Variants in TTC28 observed in about 807,000 individuals in gnomAD.
TTC28 encodes the protein tetratricopeptide repeat domain 28.
In TTC28, 61 loss-of-function variants were observed where a neutral mutation model predicts 198.0. That is an observed-to-expected ratio of 0.31 (90% confidence interval 0.25 to 0.38). The LOEUF (loss-of-function observed/expected upper bound fraction) is 0.38. Ranked by LOEUF, TTC28 falls within the 10% of genes least tolerant of loss-of-function variation. TTC28 has a pLI of 1.00. For synonymous variants in TTC28, 1,171 were observed against 1,297.8 expected, an observed-to-expected ratio of 0.90 and a Z score of 2.10; for missense variants, 2,678 against 3,164.0, an observed-to-expected ratio of 0.85 and a Z score of 3.69.
chr22:28,501,383 G>A (rs1001332873), intron 2 of TTC28, among the ~76,000 whole-genome samples: 1 of 152,084 alleles, frequency 6.6e-6, no homozygotes, highest in Admixed American at 6.6e-5. Flanking sequence ...AGTAGAAAAT[G>A]GTATGACGTG....
At position 28,386,304 on chromosome 22, in the gene TTC28, A is replaced by AAAG. The variant is rs1315988699; in HGVS notation, c.382-79664_382-79662dup. 2.0e-3 allele frequency among the ~76,000 whole-genome samples: 248 copies of AAAG among 123,992 alleles called. 1 individual carries two copies. The highest frequency in any genetic ancestry group is 6.5e-3 in the African/African-American group (222 of 33,918). The allele number at this position is 123,992 out of a possible 152,430, so 81.3% of individuals were successfully genotyped here. On this transcript the variant is annotated intron_variant, in intron 2 of 22. Coordinates refer to ENST00000397906, the MANE Select transcript of TTC28 (RefSeq NM_001145418.2). ...AAAAAAAAAAAAAAAAAAAAAAAAA[A>AAAG]AAGAAGGCTTCACCAGTTTTAGCAG...
At chr22:28,660,218 T>C (rs1301386163) in intron 1 of TTC28, among the ~76,000 whole-genome samples, 1 of 152,238 alleles carries the variant, frequency 6.6e-6, no homozygotes, top group Non-Finnish European at 1.5e-5. Context: ...ACATTTTCTC[T>C]TTAACTTTTA....
At chr22:28,357,315 ATTTTTTT>A (rs11415868) in intron 2 of TTC28, among the ~76,000 whole-genome samples, 4 of 113,486 alleles carry the variant, frequency 3.5e-5, no homozygotes, top group African/African-American at 1.4e-4. Context: ...CAAATTTCTT[ATTTTTTT>A]TTTTTTTTTT....
chr22:28,235,573 G>A (rs1455877851), intron 5 of TTC28, among the ~76,000 whole-genome samples: 2 of 152,150 alleles, frequency 1.3e-5, no homozygotes, highest in Non-Finnish European at 2.9e-5. Flanking sequence ...AGAACAACAT[G>A]GTAGTAGTGT....
intron 5 of TTC28, among the ~76,000 whole-genome samples, chr22:28,229,621 T>C (rs914125849): frequency 7.2e-5 from 11 of 152,258 alleles, no homozygotes; most frequent in Middle Eastern, 6.8e-3. Context: ...TGTTATAGAC[T>C]AGTAATATGG....
intron 5 of TTC28, among the ~76,000 whole-genome samples, chr22:28,270,184 T>C (rs73882720): frequency 0.013 from 2,013 of 152,174 alleles, 44 homozygotes; most frequent in African/African-American, 0.046. Context: ...TATGTATTGA[T>C]TCAATCCGGA....
At chr22:28,446,552 G>C (rs180708867) in intron 2 of TTC28, among the ~76,000 whole-genome samples, 1 of 152,056 alleles carries the variant, frequency 6.6e-6, no homozygotes, top group Non-Finnish European at 1.5e-5. Flanking sequence ...TTAAAACAGC[G>C]AAGCACCCCA....
intron 10 of TTC28, among the ~76,000 whole-genome samples, chr22:28,098,561 T>TC (rs1236163976): frequency 6.6e-6 from 1 of 152,058 alleles, no homozygotes; most frequent in Non-Finnish European, 1.5e-5. Context: ...AAACTTTTTT[T>TC]TTTTTTTAAG....
chr22:28,313,481 G>A (rs1184275510), intron 2 of TTC28, among the ~76,000 whole-genome samples: 7 of 152,114 alleles, frequency 4.6e-5, no homozygotes, highest in African/African-American at 1.4e-4. Context: ...CTGGCAAACC[G>A]AATCCAGCAG....
intron 12 of TTC28, among the ~76,000 whole-genome samples, chr22:28,032,190 A>T (rs539837177): frequency 0.091 from 6,639 of 72,898 alleles, 312 homozygotes; most frequent in South Asian, 0.13. Flanking sequence ...ATATATATAA[A>T]ATATATATAT....
intron 2 of TTC28, among the ~76,000 whole-genome samples, chr22:28,618,404 G>A (rs1004859445): frequency 6.6e-6 from 1 of 151,920 alleles, no homozygotes; most frequent in African/African-American, 2.4e-5. Flanking sequence ...AAACCAGGCC[G>A]GGTGCAGTGG....
At chr22:28,516,056 G>C (rs1055097215) in intron 2 of TTC28, among the ~76,000 whole-genome samples, 1 of 151,312 alleles carries the variant, frequency 6.6e-6, no homozygotes, top group Non-Finnish European at 1.5e-5. Flanking sequence ...TGAGGCAGGA[G>C]AATCATTTGA....
chr22:28,380,931 T>C (rs2046484327), intron 2 of TTC28, among the ~76,000 whole-genome samples: 1 of 152,160 alleles, frequency 6.6e-6, no homozygotes, highest in African/African-American at 2.4e-5. Context: ...AATTAACACC[T>C]ATAAAATTTT....
chr22:28,633,258 CAACAAG>C (rs763256578), intron 1 of TTC28, among the ~76,000 whole-genome samples: 1 of 133,234 alleles, frequency 7.5e-6, no homozygotes, highest in Non-Finnish European at 1.6e-5. Flanking sequence ...CCAGTCTGGG[CAACAAG>C]AACAAGACTC....
intron 5 of TTC28, among the ~76,000 whole-genome samples, chr22:28,211,057 A>C (rs1314047227): frequency 6.6e-6 from 1 of 152,146 alleles, no homozygotes; most frequent in Non-Finnish European, 1.5e-5. Flanking sequence ...AGGAGAAATA[A>C]AATCCTTTAC....
Position 28,030,265 on chromosome 22 carries a change from C to T in TTC28, c.4034G>A (p.Gly1345Asp). The T allele has an allele frequency of 6.4e-7, 1 of 1,551,770 alleles. No homozygotes were observed. Residue 1345 changes from glycine to aspartate, a missense_variant, in exon 13 of 23, where the codon GGC (glycine) becomes GAC (aspartate). Physicochemically the swap from Gly to Asp is moderately conservative, Grantham distance 94 (BLOSUM62 -1). This residue lies in a region of TTC28 where 727 missense variants were observed against 861.9 expected (regional missense o/e 0.84). Coordinates refer to ENST00000397906, the MANE Select transcript of TTC28 (RefSeq NM_001145418.2). ...ATTGCGGCGAACCATCCGCAGAAAG[C>T]CAGTGGGGTCAGTGACCGAGTTGAG... Reference protein sequence around the residue: ...NKLNSVTDPTGFLRMVRRNNL... With the variant: ...NKLNSVTDPTDFLRMVRRNNL...
chr22:28,557,089 C>T (rs746796062), intron 2 of TTC28, among the ~76,000 whole-genome samples: 1 of 152,168 alleles, frequency 6.6e-6, no homozygotes, highest in Admixed American at 6.5e-5. Context: ...AAGAATCATT[C>T]GGGATCATCT....
At chr22:28,566,354 G>C (rs2049969714) in intron 2 of TTC28, among the ~76,000 whole-genome samples, 1 of 152,120 alleles carries the variant, frequency 6.6e-6, no homozygotes, top group Admixed American at 6.5e-5. Context: ...AAAAGGAAAG[G>C]GAGGATACCC....
chr22:28,281,621 T>C (rs528952591), intron 5 of TTC28, among the ~76,000 whole-genome samples: 2 of 152,356 alleles, frequency 1.3e-5, no homozygotes, highest in East Asian at 3.9e-4. Context: ...TATTTTCCTG[T>C]TTCTTCATAT....
Sources: gnomAD v4.1 joint callset for allele counts (sites outside exome capture counted in the v4.1 genomes callset) on GRCh38, gnomAD v4.1.1 for gene constraint, gnomAD v4.1.1 regional missense constraint, MANE v1.5 for transcripts, NCBI Gene and HGNC (gene_info 2026-07-23, HGNC 2026-07-21) for gene names.